PSEN2: variants seen among roughly 807,000 people sequenced by gnomAD.
PSEN2 encodes the protein presenilin 2, also known as presenilin-2.
Under a neutral mutation model 49.1 loss-of-function variants are expected in PSEN2, and 32 were observed. That is an observed-to-expected ratio of 0.65 (90% CI 0.49 to 0.88). The LOEUF is 0.88. Ranked by LOEUF, PSEN2 falls within the 40% of genes least tolerant of loss-of-function variation. The pLI, the probability that PSEN2 is intolerant of heterozygous loss-of-function variation, is 0.00. For synonymous variants in PSEN2, 255 were observed against 244.0 expected (o/e 1.05, Z -0.42); for missense variants, 522 against 586.9 (o/e 0.89, Z 1.14).
rs532645922 is a variant in PSEN2 at position 226,874,230 on chromosome 1, A to G, written c.-206-1135A>G. ...GTGTGGTGGGCCTGCCTGTGTGACC[A>G]AACCCTGGCCACTGGGTACGTGACC... On this transcript the variant is annotated intron_variant, in intron 2 of 12. Transcript: ENST00000366783. Among the ~76,000 whole-genome samples, 9 of 152,296 alleles carry G rather than the reference A, an allele frequency of 5.9e-5. 1 individual carries two copies. The highest frequency in any genetic ancestry group is 1.9e-4 in the African/African-American group (8 of 41,560).
intron 2 of PSEN2, among the ~76,000 whole-genome samples, chr1:226,874,107 A>G (rs1190753945): frequency 1.3e-5 from 2 of 152,132 alleles, no homozygotes; most frequent in Admixed American, 6.5e-5. Context: ...GTGACAGATG[A>G]GCTGGTGAGT....
chr1:226,891,442 T>C (rs558686637), intron 10 of PSEN2, 81 bp downstream of exon 10: 2 of 1,274,088 alleles, frequency 1.6e-6, no homozygotes, highest in African/African-American at 3.0e-5. Flanking sequence ...CGGCCTGGCT[T>C]CCCTGAGAGG....
chr1:226,892,489 G>A (rs1468338520), intron 11 of PSEN2, among the ~76,000 whole-genome samples: 2 of 152,174 alleles, frequency 1.3e-5, no homozygotes, highest in Non-Finnish European at 2.9e-5. Flanking sequence ...CCACTGCTGC[G>A]TGCCAGGCAG....
In PSEN2 at chr1:226,885,532, C is replaced by G. The variant is rs372616074; in HGVS notation, c.357-6C>G. 2.5e-6 allele frequency: 4 copies of G among 1,613,746 alleles called. No homozygotes were observed. The African/African-American group carries it at 5.3e-5, about 22-fold the overall frequency. ...GGGAGCATCAGCCCTTTGCCTTCTC[C>G]CTCAGCATCTACACGCCATTCACTG... On this transcript the variant is annotated splice_region_variant and splice_polypyrimidine_tract_variant and intron_variant, in intron 5 of 12. Coordinates refer to ENST00000366783, the MANE Select transcript of PSEN2 (RefSeq NM_000447.3).
intron 6 of PSEN2, among the ~76,000 whole-genome samples, chr1:226,886,744 G>A (rs1661388672): frequency 6.6e-6 from 1 of 152,174 alleles, no homozygotes. Flanking sequence ...TCCAGCGGGG[G>A]CAGCAGAGGG....
intron 3 of PSEN2, among the ~76,000 whole-genome samples, chr1:226,877,481 T>C (rs1660709021): frequency 6.6e-6 from 1 of 152,188 alleles, no homozygotes; most frequent in South Asian, 2.1e-4. Context: ...CTGGGCCACC[T>C]TTGAGAAACA....
rs1370295414 is a variant in PSEN2 at position 226,870,659 on chromosome 1, CGGTGCCGGGG to C, written c.-350+17_-350+26del. 2.6e-5 allele frequency: 4 copies of C among 152,140 alleles called. No individual in the cohort carries two copies. The highest frequency in any genetic ancestry group is 1.3e-4 in the Admixed American group (2 of 15,244). The allele number at this position is 152,140 out of a possible 1,614,324, so 9.4% of individuals were successfully genotyped here. A position where few individuals can be genotyped will look rare whatever the true frequency, so the allele number is the denominator to read the frequency against. On this transcript the variant is annotated intron_variant, in intron 1 of 12. Coordinates refer to ENST00000366783, the MANE Select transcript of PSEN2 (RefSeq NM_000447.3). ...CGCGGCGGCAGAGCAGGTGAGCGGG[CGGTGCCGGGG>C]GGTGCCCAGGCCAGGGCCCTGTCGC...
downstream of PSEN2, among the ~76,000 whole-genome samples, chr1:226,897,053 G>A (rs1054045509): frequency 1.3e-5 from 2 of 152,164 alleles, no homozygotes; most frequent in Admixed American, 1.3e-4. Flanking sequence ...AGAGGAGGCC[G>A]AACACTGGCG....
chr1:226,878,738 C>T (rs961493690), intron 3 of PSEN2, among the ~76,000 whole-genome samples: 1 of 152,152 alleles, frequency 6.6e-6, no homozygotes, highest in Non-Finnish European at 1.5e-5. Flanking sequence ...ATCGTAGCTT[C>T]CCTGTTCATT....
intron 6 of PSEN2, among the ~76,000 whole-genome samples, chr1:226,885,933 G>A (rs1028746362): frequency 6.1e-5 from 9 of 147,252 alleles, no homozygotes; most frequent in African/African-American, 2.3e-4. Context: ...GCAGTGGTGC[G>A]ATCATGACTC....
intron 3 of PSEN2, among the ~76,000 whole-genome samples, chr1:226,876,633 C>T (rs1319210623): frequency 1.3e-5 from 2 of 152,158 alleles, no homozygotes; most frequent in East Asian, 3.8e-4. Context: ...TATTTCCGAT[C>T]TTTTATATAC....
At position 226,891,727 on chromosome 1, in the gene PSEN2, C is replaced by A; in HGVS notation, c.971-16C>A. 1 of 1,604,062 alleles carries A rather than the reference C, an allele frequency of 6.2e-7. No individual in the cohort carries two copies. Among genetic ancestry groups the A allele is most frequent in the South Asian group, 1.1e-5 (1 of 90,820 alleles). Reference sequence around the variant, plus strand: ...CTCACGGTGATGACGGACATCTTCTCTTCCTGGACACCCAGAAGAAGACTC... The same window carrying A: ...CTCACGGTGATGACGGACATCTTCTATTCCTGGACACCCAGAAGAAGACTC... On this transcript the variant is annotated splice_polypyrimidine_tract_variant and intron_variant, in intron 10 of 12. Transcript: ENST00000366783.
intron 8 of PSEN2, 60 bp from the exon 9 acceptor site, chr1:226,889,975 A>G (rs975407578): frequency 4.5e-6 from 6 of 1,347,748 alleles, no homozygotes; most frequent in Non-Finnish European, 6.4e-6. Context: ...GCTACAGGGC[A>G]GGCTCTTCTT....
At chr1:226,880,446 G>T in intron 3 of PSEN2, 2 of 1,321,354 alleles carry the variant, frequency 1.5e-6, no homozygotes, top group Non-Finnish European at 2.0e-6. Flanking sequence ...TCAGCAGAGC[G>T]CACACCTGCT....
chr1:226,880,526 G>A lies in PSEN2; in HGVS notation c.-20-1362G>A, dbSNP rs142421813. On this transcript the variant is annotated intron_variant, in intron 3 of 12. Coordinates refer to ENST00000366783, the MANE Select transcript of PSEN2 (RefSeq NM_000447.3). ...AGCGATCACTCAGCCTCTGGACAGC[G>A]ATCACTCAGCCTCTGGACAGACAGC... 4.3e-3 allele frequency: 6,714 copies of A among 1,550,546 alleles called. 223 individuals are homozygous for A. The East Asian group carries it at 0.045, about 10-fold the overall frequency.
At chr1:226,890,566 G>T in intron 9 of PSEN2, 1 of 283,104 alleles carries the variant, frequency 3.5e-6, no homozygotes, top group Non-Finnish European at 6.9e-6. Flanking sequence ...AAGGCACACG[G>T]GATGGCCCCT....
In PSEN2 at chr1:226,870,665, C is replaced by G. The variant is rs1016041291; in HGVS notation, c.-350+16C>G. On this transcript the variant is annotated intron_variant, in intron 1 of 12. Transcript: ENST00000366783. ...GGCAGAGCAGGTGAGCGGGCGGTGC[C>G]GGGGGGTGCCCAGGCCAGGGCCCTG... The G allele has an allele frequency of 6.6e-6, 1 of 152,186 alleles. No homozygotes were observed. The highest frequency in any genetic ancestry group is 2.1e-4 in the South Asian group (1 of 4,808). The allele number at this position is 152,186 out of a possible 1,614,324, so 9.4% of individuals were successfully genotyped here. A position where few individuals can be genotyped will look rare whatever the true frequency, so the allele number is the denominator to read the frequency against.
chr1:226,884,080 C>T (rs1328179034), intron 5 of PSEN2, among the ~76,000 whole-genome samples, 161 bp downstream of exon 5: 3 of 152,212 alleles, frequency 2.0e-5, no homozygotes, highest in East Asian at 3.8e-4. Flanking sequence ...TGGCTCACTG[C>T]CTCCTGGATT....
intron 3 of PSEN2, chr1:226,880,727 A>G: frequency 1.2e-6 from 2 of 1,608,882 alleles, no homozygotes; most frequent in Admixed American, 1.7e-5. Flanking sequence ...AGATTTTGGT[A>G]CACTGGGTCC....
Sources: gnomAD v4.1 joint callset for allele counts (sites outside exome capture counted in the v4.1 genomes callset) on GRCh38, gnomAD v4.1.1 for gene constraint, MANE v1.5 for transcripts, NCBI Gene and HGNC (gene_info 2026-07-23, HGNC 2026-07-21) for gene names.